The following TRIM16 variants were observed in gnomAD, a reference collection of about 807,000 sequenced individuals.
TRIM16 encodes tripartite motif containing 16, also known as tripartite motif-containing protein 16.
In TRIM16, 33 loss-of-function variants were observed where a neutral mutation model predicts 50.4. That is an observed-to-expected ratio of 0.65 (90% CI 0.50 to 0.88). The LOEUF is 0.88. TRIM16 is among the 40% of genes least tolerant of loss of function. TRIM16 has a pLI of 0.00. For missense variants in TRIM16, 581 were observed against 686.8 expected, an observed-to-expected ratio of 0.85 and a Z score of 1.72; for synonymous variants, 229 against 270.7, an observed-to-expected ratio of 0.85 and a Z score of 1.51.
chr17:15,665,413 G>A (rs1390390140), intron 6 of TRIM16, among the ~76,000 whole-genome samples: 4 of 152,228 alleles, frequency 2.6e-5, no homozygotes, highest in African/African-American at 7.2e-5. Context: ...GGAGGCTGAG[G>A]CAGGAGAATG....
chr17:15,648,213 G>A (rs1357366076), intron 7 of TRIM16, among the ~76,000 whole-genome samples: 1 of 145,328 alleles, frequency 6.9e-6, no homozygotes, highest in African/African-American at 2.6e-5. Flanking sequence ...GTGACAGAGC[G>A]AGACTCCGTC....
chr17:15,684,307 G>A lies in TRIM16; in HGVS notation c.-1010C>T, dbSNP rs1274940671. 1 of 152,246 alleles carries A rather than the reference G, an allele frequency of 6.6e-6. No individual in the cohort carries two copies. Among genetic ancestry groups the A allele is most frequent in the Non-Finnish European group, 1.5e-5 (1 of 68,066 alleles). The allele number at this position is 152,246 out of a possible 1,614,324, so 9.4% of individuals were successfully genotyped here. A position where few individuals can be genotyped will look rare whatever the true frequency, so the allele number is the denominator to read the frequency against. ...GGAGATCCTCCAGAGAAAGGGGCCG[G>A]AAACGGAAGTGCGCGCCGAGGCTCC... On this transcript the variant is annotated 5_prime_UTR_variant, in exon 1 of 12. Transcript: ENST00000649191.
At position 15,683,009 on chromosome 17, in the gene TRIM16, G is replaced by C; in HGVS notation, c.-777+27C>G. On this transcript the variant is annotated intron_variant, in intron 2 of 11. Transcript: ENST00000649191. ...GCATACTGCAGATTCTTGGCTAATG[G>C]CAGGACCCTTTATTTCTATTTCTTA... The C allele has an allele frequency of 4.5e-6, 7 of 1,550,416 alleles. No homozygotes were observed. In the South Asian group the frequency reaches 7.1e-5, roughly 16 times the overall value.
chr17:15,677,283 G>C lies in TRIM16; in HGVS notation c.-442-3C>G, dbSNP rs1241347926. The C allele has an allele frequency of 1.0e-6, 1 of 985,312 alleles. No individual in the cohort carries two copies. Among genetic ancestry groups the C allele is most frequent in the East Asian group, 1.1e-4 (1 of 8,816 alleles). The allele number at this position is 985,312 out of a possible 1,614,324, so 61.0% of individuals were successfully genotyped here. A position where few individuals can be genotyped will look rare whatever the true frequency, so the allele number is the denominator to read the frequency against. ...AGGTTTGGAAAATGGAAATCCTACT[G>C]AAGAGATACAAACAGAATGTAATTT... is the stretch of plus-strand genomic sequence containing the variant. On this transcript the variant is annotated splice_polypyrimidine_tract_variant and splice_region_variant and intron_variant, in intron 5 of 11. Coordinates refer to ENST00000649191, the MANE Select transcript of TRIM16 (RefSeq NM_001348119.1).
At chr17:15,646,708 GA>G (rs71353745) in intron 7 of TRIM16, among the ~76,000 whole-genome samples, 1 of 151,202 alleles carries the variant, frequency 6.6e-6, no homozygotes. Flanking sequence ...GAAGAGAGAA[GA>G]AAATCCCAGA....
intron 4 of TRIM16, among the ~76,000 whole-genome samples, chr17:15,679,798 G>A (rs9912415): frequency 0.026 from 3,947 of 152,170 alleles, 180 homozygotes; most frequent in African/African-American, 0.091. Context: ...TTAGCCGGGC[G>A]CGGTGGCGGG....
intron 9 of TRIM16, 43 bp downstream of exon 9, chr17:15,635,993 A>G: frequency 6.2e-7 from 1 of 1,605,014 alleles, no homozygotes; most frequent in Non-Finnish European, 8.5e-7. Flanking sequence ...AGGGTGCTTC[A>G]TGGGGCAGCT....
intron 8 of TRIM16, among the ~76,000 whole-genome samples, chr17:15,637,049 G>A (rs1356871050): frequency 2.0e-5 from 3 of 146,660 alleles, no homozygotes; most frequent in Non-Finnish European, 3.0e-5. Flanking sequence ...CTCTCCGCCC[G>A]GTAGCCACCC....
intron 7 of TRIM16, among the ~76,000 whole-genome samples, chr17:15,648,259 AC>A (rs150145368): frequency 0.048 from 7,102 of 146,658 alleles, 618 homozygotes; most frequent in African/African-American, 0.18. Context: ...AAACAAACAA[AC>A]AAACAAAAAA....
At chr17:15,679,526 TG>T (rs1189628202) in intron 4 of TRIM16, among the ~76,000 whole-genome samples, 1 of 152,178 alleles carries the variant, frequency 6.6e-6, no homozygotes, top group African/African-American at 2.4e-5. Context: ...GATTTAGCCC[TG>T]TAAAAAAAAT....
intron 6 of TRIM16, among the ~76,000 whole-genome samples, chr17:15,664,516 G>A (rs117397889): frequency 0.014 from 2,082 of 152,074 alleles, 23 homozygotes; most frequent in Middle Eastern, 0.024. Context: ...CAACAAAGGT[G>A]GGCAAAACAC....
In TRIM16 at chr17:15,628,402, C is replaced by T; in HGVS notation, c.*213G>A. The T allele has an allele frequency of 3.6e-6, 2 of 561,052 alleles. No homozygotes were observed. Among genetic ancestry groups the T allele is most frequent in the Admixed American group, 7.3e-5 (2 of 27,572 alleles). The allele number at this position is 561,052 out of a possible 1,614,324, so 34.8% of individuals were successfully genotyped here. A position where few individuals can be genotyped will look rare whatever the true frequency, so the allele number is the denominator to read the frequency against. Reference sequence around the variant, plus strand: ...CCAGCCTGGGCAACAGTGCGAGACTCCGTCTCAAAAAAAAAAAAAAGAATT... The same window carrying T: ...CCAGCCTGGGCAACAGTGCGAGACTTCGTCTCAAAAAAAAAAAAAAGAATT... On this transcript the variant is annotated 3_prime_UTR_variant, in exon 12 of 12. Coordinates refer to ENST00000649191, the MANE Select transcript of TRIM16 (RefSeq NM_001348119.1).
In TRIM16 at chr17:15,640,928, G is replaced by A. The variant is rs1201192718; in HGVS notation, c.615+1793C>T. Among the ~76,000 whole-genome samples, 2 of 148,596 alleles carry A rather than the reference G, an allele frequency of 1.3e-5. 1 individual carries two copies. The highest frequency in any genetic ancestry group is 5.0e-5 in the African/African-American group (2 of 40,092). The stretch of plus-strand genomic sequence containing the variant: ...GACACAGCATGGGAACCAGCATGAG[G>A]GTGTTGTGGGAAAGGAGCAGAATCC... On this transcript the variant is annotated intron_variant, in intron 8 of 11. Transcript: ENST00000649191.
At chr17:15,679,713 A>C (rs1331690379) in intron 4 of TRIM16, among the ~76,000 whole-genome samples, 2 of 152,052 alleles carry the variant, frequency 1.3e-5, no homozygotes, top group African/African-American at 2.4e-5. Flanking sequence ...CGAGGCGGGC[A>C]GATCACAAGG....
At chr17:15,662,165 T>C (rs1468060836) in intron 6 of TRIM16, among the ~76,000 whole-genome samples, 1 of 152,194 alleles carries the variant, frequency 6.6e-6, no homozygotes, top group Non-Finnish European at 1.5e-5. Context: ...AAGTTGATGA[T>C]ATATGGAAAG....
intron 6 of TRIM16, chr17:15,658,915 T>C (rs894447202): frequency 3.1e-6 from 3 of 972,050 alleles, no homozygotes; most frequent in Non-Finnish European, 1.2e-6. Context: ...ACTTTGGTAA[T>C]TAATTACCAC....
At chr17:15,672,726 C>T (rs866788815) in intron 6 of TRIM16, among the ~76,000 whole-genome samples, 1 of 152,098 alleles carries the variant, frequency 6.6e-6, no homozygotes, top group Non-Finnish European at 1.5e-5. Flanking sequence ...GAGCAAAACC[C>T]TGTCTCAAAC....
Position 15,651,515 on chromosome 17 carries a change from G to A in TRIM16, c.95C>T (p.Pro32Leu). The change falls in exon 7 of 12, where the codon CCA becomes CTA. Residue 32 changes from proline to leucine, a missense_variant. Physicochemically the swap from Pro to Leu is moderately conservative, Grantham distance 98. Around this residue, in one of 3 missense-constraint regions of TRIM16, gnomAD observed 450 missense variants for 544.3 expected, o/e 0.83. Coordinates refer to ENST00000649191, the MANE Select transcript of TRIM16 (RefSeq NM_001348119.1). ...CACTGGGCTGGCTGACCCAGAATCT[G>A]GGCTGGGTGACCCAGAGTCTGGGCT... The part of the protein sequence containing the change: ...PLSPDSGSPS[P>L]DSGSASPVEE... The A allele has an allele frequency of 6.2e-7, 1 of 1,613,454 alleles. No homozygotes were observed. Among genetic ancestry groups the A allele is most frequent in the Non-Finnish European group, 8.5e-7 (1 of 1,179,642 alleles).
At chr17:15,674,121 C>T (rs913725625) in intron 6 of TRIM16, among the ~76,000 whole-genome samples, 3 of 152,116 alleles carry the variant, frequency 2.0e-5, no homozygotes, top group Non-Finnish European at 4.4e-5. Context: ...CCTGTAATCC[C>T]AGCACTTTGG....
Sources: allele counts gnomAD v4.1 joint callset (sites outside exome capture counted in the v4.1 genomes callset), GRCh38; gene constraint gnomAD v4.1.1; regional missense constraint gnomAD v4.1.1; transcripts MANE v1.5; gene names NCBI Gene and HGNC (gene_info 2026-07-23, HGNC 2026-07-21).